Variants in PKNOX2 observed in about 807,000 individuals in gnomAD.
PKNOX2 encodes the protein homeobox protein PKNOX2.
Under a neutral mutation model 53.1 loss-of-function variants are expected in PKNOX2, and 14 were observed. The observed-to-expected ratio is 0.26, with a 90% CI of 0.17 to 0.41. The LOEUF is 0.41. Ranked by LOEUF, PKNOX2 falls within the 10% of genes least tolerant of loss-of-function variation. The pLI is 1.00. For missense variants in PKNOX2, 496 were observed against 602.8 expected (o/e 0.82, Z 1.85); for synonymous variants, 257 against 242.8 (o/e 1.06, Z -0.54).
intron 2 of PKNOX2, among the ~76,000 whole-genome samples, chr11:125,302,470 C>T (rs1172854477): frequency 6.6e-6 from 1 of 152,234 alleles, no homozygotes; most frequent in African/African-American, 2.4e-5. Flanking sequence ...CAGCCTTTAG[C>T]CGGCTGGCCC....
At chr11:125,167,114 C>T (rs1325121946) in intron 1 of PKNOX2, among the ~76,000 whole-genome samples, 2 of 139,484 alleles carry the variant, frequency 1.4e-5, no homozygotes, top group Admixed American at 7.5e-5. Flanking sequence ...TTGGGCCTAG[C>T]TGTGGGGTGT....
In PKNOX2 at chr11:125,357,559, A is replaced by C. The variant is rs552944870; in HGVS notation, c.87+6167A>C. Among the ~76,000 whole-genome samples the C allele has an allele frequency of 3.8e-4, 58 of 152,316 alleles. No individual in the cohort carries two copies. The South Asian group carries it at 0.011, about 29-fold the overall frequency. ...AATGGCCCTGGGATACAAAGCCTAA[A>C]ATAAATCAGGGGACAGGTGATCCAA... On this transcript the variant is annotated intron_variant, in intron 4 of 12. Coordinates refer to ENST00000298282, the MANE Select transcript of PKNOX2 (RefSeq NM_001382323.2).
chr11:125,224,865 G>GC (rs916858395), intron 1 of PKNOX2, among the ~76,000 whole-genome samples: 2 of 152,092 alleles, frequency 1.3e-5, no homozygotes, highest in Admixed American at 6.5e-5. Flanking sequence ...ATTCAGGACC[G>GC]CCCCCCGGAG....
At position 125,198,666 on chromosome 11, in the gene PKNOX2, G is replaced by A. The variant is rs534169203; in HGVS notation, c.-201+33890G>A. Among the ~76,000 whole-genome samples the A allele has an allele frequency of 3.3e-5, 5 of 152,094 alleles. No individual in the cohort carries two copies. In the South Asian group the frequency reaches 6.3e-4, roughly 19 times the overall value. Reference sequence around the variant, plus strand: ...AACAGGGGCCTGCTCTAAGACAATCGGTGGTCCCAACACTATAGATCTGAT... The same window carrying A: ...AACAGGGGCCTGCTCTAAGACAATCAGTGGTCCCAACACTATAGATCTGAT... On this transcript the variant is annotated intron_variant, in intron 1 of 12. Coordinates refer to ENST00000298282, the MANE Select transcript of PKNOX2 (RefSeq NM_001382323.2).
intron 5 of PKNOX2, among the ~76,000 whole-genome samples, chr11:125,369,804 A>T (rs764184135): frequency 1.1e-4 from 17 of 152,064 alleles, no homozygotes; most frequent in Non-Finnish European, 1.6e-4. Flanking sequence ...GAGCATAAGG[A>T]GGGAAGGGAG....
intron 2 of PKNOX2, among the ~76,000 whole-genome samples, chr11:125,269,684 A>G (rs975802145): frequency 1.3e-5 from 2 of 152,216 alleles, no homozygotes; most frequent in Admixed American, 6.5e-5. Flanking sequence ...GAAATGAAAC[A>G]GGAAACTCAC....
chr11:125,250,065 CAAAAAAAAAAA>C lies in PKNOX2; in HGVS notation c.-130+14966_-130+14976del, dbSNP rs35679690. Among the ~76,000 whole-genome samples the C allele has an allele frequency of 1.5e-4, 7 of 46,994 alleles. No individual in the cohort carries two copies. The East Asian group carries it at 4.5e-3, about 30-fold the overall frequency. The allele number at this position is 46,994 out of a possible 152,430, so 30.8% of individuals were successfully genotyped here. On this transcript the variant is annotated intron_variant, in intron 2 of 12. Coordinates refer to ENST00000298282, the MANE Select transcript of PKNOX2 (RefSeq NM_001382323.2). ...GGGCAACAGGAGCAAAACTCTGTCTCAAAAAAAAAAAAAAAAAAAAAAAAAACAATTTAGAC... is the reference window on the plus strand; with the variant it reads ...GGGCAACAGGAGCAAAACTCTGTCTCAAAAAAAAAAAAAAACAATTTAGAC...
chr11:125,211,094 C>T (rs115014535), intron 1 of PKNOX2, among the ~76,000 whole-genome samples: 6 of 152,112 alleles, frequency 3.9e-5, no homozygotes, highest in South Asian at 2.1e-4. Context: ...GTCAGTTCCC[C>T]GATTCCTCCC....
intron 2 of PKNOX2, among the ~76,000 whole-genome samples, chr11:125,272,726 G>T (rs1408381500): frequency 6.6e-6 from 1 of 152,174 alleles, no homozygotes; most frequent in African/African-American, 2.4e-5. Flanking sequence ...TCTTTGTGGG[G>T]TTTCCCCTTC....
At chr11:125,242,438 T>C (rs1046389521) in intron 2 of PKNOX2, among the ~76,000 whole-genome samples, 5 of 152,136 alleles carry the variant, frequency 3.3e-5, no homozygotes, top group Admixed American at 6.5e-5. Context: ...ATGCCAGGGT[T>C]CATACATGTT....
intron 2 of PKNOX2, among the ~76,000 whole-genome samples, chr11:125,323,901 G>A (rs974661357): frequency 2.0e-5 from 3 of 152,024 alleles, no homozygotes; most frequent in African/African-American, 7.3e-5. Flanking sequence ...TTGTGACTGT[G>A]TAGATCAATG....
intron 2 of PKNOX2, among the ~76,000 whole-genome samples, chr11:125,286,515 C>G (rs1435745953): frequency 6.6e-6 from 1 of 152,224 alleles, no homozygotes; most frequent in Non-Finnish European, 1.5e-5. Flanking sequence ...GATGTGGGCA[C>G]AGTGCAACCT....
chr11:125,285,803 C>T (rs1946859443), intron 2 of PKNOX2, among the ~76,000 whole-genome samples: 1 of 152,222 alleles, frequency 6.6e-6, no homozygotes, highest in African/African-American at 2.4e-5. Flanking sequence ...ATTAAAAACA[C>T]AGGTAATAAA....
At chr11:125,225,836 C>T (rs897583659) in intron 1 of PKNOX2, among the ~76,000 whole-genome samples, 2 of 152,204 alleles carry the variant, frequency 1.3e-5, no homozygotes, top group Non-Finnish European at 2.9e-5. Context: ...ATGTGTTCTG[C>T]CCTGGGGTGC....
intron 2 of PKNOX2, among the ~76,000 whole-genome samples, chr11:125,322,947 A>G (rs1236304859): frequency 1.3e-5 from 2 of 152,224 alleles, no homozygotes; most frequent in Non-Finnish European, 2.9e-5. Context: ...TGGGTTGTAT[A>G]CATCATCTTG....
At chr11:125,291,419 C>A (rs1033832645) in intron 2 of PKNOX2, among the ~76,000 whole-genome samples, 2 of 152,124 alleles carry the variant, frequency 1.3e-5, no homozygotes, top group Admixed American at 1.3e-4. Context: ...CTCCCAGGAC[C>A]AAGGTGCACA....
chr11:125,368,183 T>C (rs1443843548), intron 5 of PKNOX2, among the ~76,000 whole-genome samples, 198 bp downstream of exon 5: 2 of 152,188 alleles, frequency 1.3e-5, no homozygotes, highest in Non-Finnish European at 2.9e-5. Context: ...TCTGGAAATG[T>C]CTAGGGAAGG....
intron 2 of PKNOX2, among the ~76,000 whole-genome samples, chr11:125,244,497 C>T (rs544875638): frequency 2.0e-5 from 3 of 152,344 alleles, no homozygotes; most frequent in South Asian, 2.1e-4. Flanking sequence ...CTGGCTCCCT[C>T]GCCTTCCCCC....
intron 1 of PKNOX2, among the ~76,000 whole-genome samples, chr11:125,227,391 C>G (rs781015282): frequency 1.7e-4 from 26 of 152,220 alleles, no homozygotes; most frequent in Non-Finnish European, 3.1e-4. Context: ...CATCCTCCAC[C>G]TCAGCCTCTG....
Sources: gnomAD v4.1 joint callset for allele counts (sites outside exome capture counted in the v4.1 genomes callset) on GRCh38, gnomAD v4.1.1 for gene constraint, MANE v1.5 for transcripts, NCBI Gene and HGNC (gene_info 2026-07-23, HGNC 2026-07-21) for gene names.